The following PMS2 variants were observed in gnomAD, a reference collection of about 807,000 sequenced individuals.
PMS2 encodes the protein mismatch repair endonuclease PMS2.
Under a neutral mutation model 90.0 loss-of-function variants are expected in PMS2, and 69 were observed. That is an observed-to-expected ratio of 0.77 (90% confidence interval 0.63 to 0.94). PMS2 has a LOEUF of 0.94. PMS2 is among the 40% of genes least tolerant of loss of function. The pLI is 0.00. For synonymous variants in PMS2, 332 were observed against 375.1 expected (o/e 0.89, Z 1.33); for missense variants, 966 against 1,040.2 (o/e 0.93, Z 0.98).
intron 5 of PMS2, among the ~76,000 whole-genome samples, chr7:6,001,602 C>A (rs969374665): frequency 3.9e-5 from 6 of 152,112 alleles, no homozygotes; most frequent in Admixed American, 3.9e-4. Flanking sequence ...ATCTCTTGAC[C>A]TCGTGATCCA....
At chr7:5,986,729 A>T (rs752902270) in intron 11 of PMS2, 30 bp downstream of exon 11, 1 of 1,498,474 alleles carries the variant, frequency 6.7e-7, no homozygotes, top group South Asian at 1.3e-5. Context: ...TTTAGATAAA[A>T]AGAGAAAAAG....
intron 6 of PMS2, among the ~76,000 whole-genome samples, 195 bp downstream of exon 6, chr7:5,998,913 C>T (rs1784755892): frequency 1.3e-5 from 2 of 150,548 alleles, no homozygotes; most frequent in South Asian, 4.2e-4. Context: ...TTGCTTGAAT[C>T]TGGGAGGCGG....
intron 12 of PMS2, among the ~76,000 whole-genome samples, chr7:5,982,573 G>A (rs1404920416): frequency 5.3e-5 from 8 of 152,260 alleles, no homozygotes; most frequent in African/African-American, 1.7e-4. Flanking sequence ...CTGACCTCAG[G>A]TGATCTGCCT....
chr7:5,988,850 TTTTG>T (rs139770013), intron 10 of PMS2, among the ~76,000 whole-genome samples: 7,779 of 152,076 alleles, frequency 0.051, 491 homozygotes, highest in East Asian at 0.33. Context: ...TTTGGGTTTT[TTTTG>T]TTTGTTTGTC....
rs63751422 is a variant in PMS2 at position 5,986,838 on chromosome 7, G to A, written c.1927C>T (p.Gln643Ter). 6.2e-6 allele frequency: 10 copies of A among 1,613,512 alleles called. No homozygotes were observed. The highest frequency in any genetic ancestry group is 1.3e-5 in the African/African-American group (1 of 74,838). The change falls in exon 11 of 15, where the codon CAG becomes TAG. Residue 643 changes from glutamine to a stop codon, truncating the protein, a stop_gained. Coordinates refer to ENST00000265849, the MANE Select transcript of PMS2 (RefSeq NM_000535.7). LOFTEE classifies it high-confidence loss of function. ...TTTGCCCTAAACTTCCTGTAATTCT[G>A]TTCCCCTTCACTTTGCTGTGCTTCA... ...HHEAQQSEGE[Q>*]NYRKFRAKIC...
chr7:5,983,144 G>A lies in PMS2; in HGVS notation c.2007-153C>T, dbSNP rs570652599. 2.9e-4 allele frequency among the ~76,000 whole-genome samples: 44 copies of A among 151,352 alleles called. 1 individual carries two copies. Among genetic ancestry groups the A allele is most frequent in the African/African-American group, 1.0e-3 (42 of 40,852 alleles). On this transcript the variant is annotated intron_variant, in intron 11 of 14. Transcript: ENST00000265849. ...TTCTTTTTTTTTGAAACAGAGTCTC[G>A]TTCTGTCACCCAGGCTACAGTGCAA...
chr7:6,002,311 A>T, intron 5 of PMS2, 142 bp downstream of exon 5: 1 of 682,656 alleles, frequency 1.5e-6, no homozygotes, highest in Non-Finnish European at 2.5e-6. Context: ...CTTTAATGTT[A>T]AATCTTTAAT....
At chr7:6,007,151 C>G (rs1271843985) in intron 1 of PMS2, among the ~76,000 whole-genome samples, 1 of 151,730 alleles carries the variant, frequency 6.6e-6, no homozygotes, top group Non-Finnish European at 1.5e-5. Context: ...AGTCTCACCC[C>G]GTTGCCTATG....
rs1554306568 is a variant in PMS2 at position 6,006,000 on chromosome 7, C to G, written c.55G>C (p.Asp19His). The change falls in exon 2 of 15, where the codon GAT (aspartate) becomes CAT (histidine). Residue 19 changes from aspartate to histidine, a missense_variant. Asp to His is a moderately conservative substitution (Grantham distance 81). Around this residue, in one of 2 missense-constraint regions of PMS2, gnomAD observed 871 missense variants for 802.4 expected, o/e 1.09. Transcript: ENST00000265849. ...TEPAKAIKPIDRKSVHQICSG... is the reference protein window; with the variant it reads ...TEPAKAIKPIHRKSVHQICSG... ...CAAATCTGATGGACTGACTTCCGAT[C>G]AATAGGTTTGATGGCCTTAGCAGGT... 12 of 1,610,696 alleles carry G rather than the reference C, an allele frequency of 7.5e-6. No individual in the cohort carries two copies. The highest frequency in any genetic ancestry group is 1.0e-5 in the Non-Finnish European group (12 of 1,179,776).
intron 8 of PMS2, among the ~76,000 whole-genome samples, chr7:5,994,280 C>G (rs976915658): frequency 6.6e-6 from 1 of 151,836 alleles, no homozygotes; most frequent in Non-Finnish European, 1.5e-5. Context: ...ACTTGGGAGG[C>G]TGAGGCAGGA....
chr7:5,992,484 T>C (rs1243965692), intron 8 of PMS2, among the ~76,000 whole-genome samples: 1 of 151,992 alleles, frequency 6.6e-6, no homozygotes, highest in Admixed American at 6.6e-5. Flanking sequence ...CATGACCAGA[T>C]AATTTTTGTG....
intron 10 of PMS2, 103 bp downstream of exon 10, chr7:5,989,694 TATA>T (rs1783495796): frequency 1.2e-6 from 1 of 821,746 alleles, no homozygotes; most frequent in Middle Eastern, 3.6e-4. Flanking sequence ...GATAAAATAA[TATA>T]AGAGACTTTG....
intron 8 of PMS2, among the ~76,000 whole-genome samples, chr7:5,994,305 C>T (rs923649346): frequency 4.7e-5 from 7 of 150,442 alleles, no homozygotes; most frequent in South Asian, 4.2e-4. Context: ...CGCTTGAACT[C>T]GGGAGGTGGA....
rs1060503134 is a variant in PMS2, at chr7:5,989,889, A to G, written c.1055T>C (p.Leu352Ser). Residue 352 changes from leucine to serine, a missense_variant, in exon 10 of 15, where the codon TTG becomes TCG. Around this residue, in one of 2 missense-constraint regions of PMS2, gnomAD observed 871 missense variants for 802.4 expected, o/e 1.09. Transcript: ENST00000265849. ...QILLQEEKLL[L>S]AVLKTSLIGM... Reference sequence around the variant, plus strand: ...TATCAAAGAGGTCTTTAAAACTGCCAACAAAAGCTTTTCCTCTTGTAGCAA... The same window carrying G: ...TATCAAAGAGGTCTTTAAAACTGCCGACAAAAGCTTTTCCTCTTGTAGCAA... 1.2e-6 allele frequency: 2 copies of G among 1,612,330 alleles called. No homozygotes were observed. Among genetic ancestry groups the G allele is most frequent in the Admixed American group, 3.3e-5 (2 of 59,954 alleles).
In PMS2 at chr7:5,984,681, A is replaced by C. The variant is rs1782669370; in HGVS notation, c.2007-1690T>G. Among the ~76,000 whole-genome samples, 3 of 151,732 alleles carry C rather than the reference A, an allele frequency of 2.0e-5. No individual in the cohort carries two copies. The South Asian group carries it at 6.2e-4, about 31-fold the overall frequency. On this transcript the variant is annotated intron_variant, in intron 11 of 14. Transcript: ENST00000265849. ...ACACCTGTACTCCCAGCTACTTGGG[A>C]AACGAAGGCAGAAGAATCGTTTGAA...
intron 10 of PMS2, among the ~76,000 whole-genome samples, chr7:5,988,753 A>T (rs1196476988): frequency 6.6e-6 from 1 of 152,212 alleles, no homozygotes; most frequent in African/African-American, 2.4e-5. Flanking sequence ...GGTGAATCTC[A>T]CAAACAAAAT....
intron 9 of PMS2, among the ~76,000 whole-genome samples, chr7:5,991,416 A>G (rs916926559): frequency 3.3e-5 from 5 of 152,048 alleles, no homozygotes; most frequent in Admixed American, 1.3e-4. Context: ...TATGAAATGA[A>G]TTATTTATGA....
chr7:5,991,430 TAGGA>T, intron 9 of PMS2, among the ~76,000 whole-genome samples: 1 of 151,664 alleles, frequency 6.6e-6, no homozygotes, highest in Admixed American at 6.6e-5. Context: ...TTTATGAAAT[TAGGA>T]AGAACATTTC....
chr7:5,987,186 T>C lies in PMS2; in HGVS notation c.1579A>G (p.Arg527Gly), dbSNP rs756823316. The part of the protein sequence containing the change: ...SEYAASSPGD[R>G]GSQEHVDSQE... ...GAGTCCACATGTTCCTGCGAGCCCCTGTCCCCTGGGGAGCTGGCCGCATAC... is the reference window on the plus strand; with the variant it reads ...GAGTCCACATGTTCCTGCGAGCCCCCGTCCCCTGGGGAGCTGGCCGCATAC... The change falls in exon 11 of 15, where the codon AGG becomes GGG. Residue 527 changes from arginine (R) to glycine (G), a missense_variant. Transcript: ENST00000265849. The C allele has an allele frequency of 6.2e-7, 1 of 1,613,918 alleles. No individual in the cohort carries two copies. The highest frequency in any genetic ancestry group is 8.5e-7 in the Non-Finnish European group (1 of 1,179,852).
Sources: allele counts gnomAD v4.1 joint callset (sites outside exome capture counted in the v4.1 genomes callset), GRCh38; gene constraint gnomAD v4.1.1; regional missense constraint gnomAD v4.1.1; transcripts MANE v1.5; gene names NCBI Gene and HGNC (gene_info 2026-07-23, HGNC 2026-07-21).